The following WWOX variants were observed in gnomAD, a reference collection of about 807,000 sequenced individuals.
The protein encoded by WWOX is WW domain-containing oxidoreductase.
WWOX carries 69 observed loss-of-function variants against 46.2 expected under a neutral mutation model. That is an observed-to-expected ratio of 1.49 (90% CI 1.23 to 1.82). WWOX has a LOEUF of 1.82. Among genes scored for constraint, WWOX ranks in the 40% most tolerant of loss-of-function variants. The pLI is 0.00. For synonymous variants in WWOX, 359 were observed against 202.6 expected, an observed-to-expected ratio of 1.77 and a Z score of -6.56; for missense variants, 919 against 542.6, an observed-to-expected ratio of 1.69 and a Z score of -6.89.
chr16:78,919,393 A>G (rs2045324660), intron 8 of WWOX, among the ~76,000 whole-genome samples: 1 of 151,952 alleles, frequency 6.6e-6, no homozygotes, highest in East Asian at 1.9e-4. Context: ...GTCTTTGTGT[A>G]TTTTGCTCCA....
At chr16:78,536,901 C>G (rs921582087) in intron 8 of WWOX, among the ~76,000 whole-genome samples, 2 of 120,060 alleles carry the variant, frequency 1.7e-5, no homozygotes, top group African/African-American at 6.2e-5. Context: ...AGAGCCAAGT[C>G]TTTTTTTTTT....
intron 6 of WWOX, among the ~76,000 whole-genome samples, chr16:78,402,247 G>T (rs950973302): frequency 6.6e-6 from 1 of 152,106 alleles, no homozygotes; most frequent in African/African-American, 2.4e-5. Context: ...ATGGCCTTTT[G>T]TGACTGGCTT....
chr16:78,213,284 TC>T (rs1263543141), intron 5 of WWOX, among the ~76,000 whole-genome samples: 1 of 147,210 alleles, frequency 6.8e-6, no homozygotes, highest in Non-Finnish European at 1.5e-5. Flanking sequence ...CTTTCAGGGA[TC>T]CAGGCTGACC....
chr16:78,771,384 T>C (rs1309794463), intron 8 of WWOX, among the ~76,000 whole-genome samples: 1 of 152,212 alleles, frequency 6.6e-6, no homozygotes, highest in Non-Finnish European at 1.5e-5. Context: ...AGGTGGTTAT[T>C]ACTGTTTGAG....
At chr16:78,753,548 C>T (rs1409514085) in intron 8 of WWOX, among the ~76,000 whole-genome samples, 2 of 151,656 alleles carry the variant, frequency 1.3e-5, no homozygotes, top group African/African-American at 4.8e-5. Flanking sequence ...GCCTGTAATC[C>T]CATCACATTG....
chr16:78,952,180 C>T (rs527893789), intron 8 of WWOX, among the ~76,000 whole-genome samples: 2 of 152,146 alleles, frequency 1.3e-5, no homozygotes, highest in Non-Finnish European at 2.9e-5. Flanking sequence ...AGTTGCCCTC[C>T]TGCAGCAGGG....
At chr16:78,430,569 G>A (rs541444111) in intron 7 of WWOX, among the ~76,000 whole-genome samples, 207 of 152,200 alleles carry the variant, frequency 1.4e-3, no homozygotes, top group Admixed American at 2.6e-3. Flanking sequence ...ATCACCAGCA[G>A]TCATCACGAC....
intron 8 of WWOX, among the ~76,000 whole-genome samples, chr16:79,201,256 A>C (rs1052695924): frequency 3.3e-5 from 5 of 152,122 alleles, no homozygotes; most frequent in Non-Finnish European, 5.9e-5. Flanking sequence ...TCCAGGACTG[A>C]AGAGATGATA....
At chr16:78,348,306 C>T (rs1010887671) in intron 5 of WWOX, among the ~76,000 whole-genome samples, 1 of 120,946 alleles carries the variant, frequency 8.3e-6, no homozygotes, top group African/African-American at 2.8e-5. Flanking sequence ...AGTCAAGCTG[C>T]CTCTGTAATG....
intron 8 of WWOX, among the ~76,000 whole-genome samples, chr16:78,709,877 C>T (rs183768581): frequency 1.2e-4 from 19 of 152,008 alleles, no homozygotes; most frequent in Middle Eastern, 3.4e-3. Flanking sequence ...TACAGGCACC[C>T]GCCACCCGAC....
At chr16:78,426,944 G>A (rs1350912426) in intron 7 of WWOX, among the ~76,000 whole-genome samples, 2 of 152,326 alleles carry the variant, frequency 1.3e-5, no homozygotes, top group Admixed American at 1.3e-4. Flanking sequence ...TTACAGGCGT[G>A]AGCCACCACG....
At chr16:79,100,920 G>T (rs1032928248) in intron 8 of WWOX, among the ~76,000 whole-genome samples, 1 of 151,854 alleles carries the variant, frequency 6.6e-6, no homozygotes, top group Non-Finnish European at 1.5e-5. Flanking sequence ...CACCCAACGG[G>T]GTTTTCTCCA....
intron 8 of WWOX, among the ~76,000 whole-genome samples, chr16:79,087,396 AG>A (rs1231578354): frequency 2.6e-5 from 4 of 152,240 alleles, no homozygotes; most frequent in Non-Finnish European, 5.9e-5. Context: ...TTATCTCCGT[AG>A]ACACCACTGT....
At chr16:78,980,566 G>A (rs546147145) in intron 8 of WWOX, among the ~76,000 whole-genome samples, 12 of 152,208 alleles carry the variant, frequency 7.9e-5, no homozygotes, top group African/African-American at 1.4e-4. Flanking sequence ...TTTACGAAGC[G>A]TTTTCTTTTA....
At chr16:78,234,080 T>C (rs962180390) in intron 5 of WWOX, among the ~76,000 whole-genome samples, 24 of 151,754 alleles carry the variant, frequency 1.6e-4, no homozygotes, top group South Asian at 6.3e-4. Flanking sequence ...AGGGAACTTA[T>C]TGATTTTAGT....
chr16:78,756,314 T>C (rs983128854), intron 8 of WWOX, among the ~76,000 whole-genome samples: 1 of 151,142 alleles, frequency 6.6e-6, no homozygotes, highest in African/African-American at 2.5e-5. Flanking sequence ...TAATGTGTAT[T>C]TGAAACAAAC....
At chr16:78,345,673 A>T (rs12600187) in intron 5 of WWOX, among the ~76,000 whole-genome samples, 22,513 of 101,876 alleles carry the variant, frequency 0.22, 6,761 homozygotes, top group African/African-American at 0.44. Context: ...AGTAAAATAA[A>T]GCATGGGAAG....
intron 8 of WWOX, among the ~76,000 whole-genome samples, chr16:78,982,929 C>A (rs1597236313): frequency 1.3e-5 from 2 of 152,224 alleles, no homozygotes; most frequent in East Asian, 3.9e-4. Context: ...AATAAAATTA[C>A]CCTGAGCAGA....
chr16:79,023,751 C>G (rs1264652976), intron 8 of WWOX, among the ~76,000 whole-genome samples: 1 of 149,236 alleles, frequency 6.7e-6, no homozygotes, highest in Non-Finnish European at 1.5e-5. Context: ...GATACCCCAT[C>G]TCTACTAAAA....
Sources: allele counts gnomAD v4.1 joint callset (sites outside exome capture counted in the v4.1 genomes callset), GRCh38; gene constraint gnomAD v4.1.1; transcripts MANE v1.5; gene names NCBI Gene and HGNC (gene_info 2026-07-23, HGNC 2026-07-21).